Variants in FSTL4 observed in about 807,000 individuals in gnomAD.
The protein encoded by FSTL4 is follistatin-related protein 4.
FSTL4 carries 28 observed loss-of-function variants against 78.2 expected under a neutral mutation model. The observed-to-expected ratio is 0.36, with a 90% confidence interval of 0.27 to 0.49. The LOEUF (loss-of-function observed/expected upper bound fraction) is 0.49, where lower values mean the gene tolerates loss of function less well. Ranked by LOEUF, FSTL4 falls within the 20% of genes least tolerant of loss-of-function variation. The pLI, the probability that FSTL4 is intolerant of heterozygous loss-of-function variation, is 0.98. For missense variants in FSTL4, 922 were observed against 1,084.9 expected, an observed-to-expected ratio of 0.85 and a Z score of 2.11; for synonymous variants, 422 against 440.5, an observed-to-expected ratio of 0.96 and a Z score of 0.53.
At chr5:133,523,420 G>A (rs1310676061) in intron 3 of FSTL4, among the ~76,000 whole-genome samples, 2 of 152,288 alleles carry the variant, frequency 1.3e-5, no homozygotes, top group South Asian at 4.1e-4. Flanking sequence ...GGTGCAGAGT[G>A]GGAGAGAAAG....
chr5:133,769,193 A>T, the FSTL4 span, among the ~76,000 whole-genome samples: 1 of 152,250 alleles, frequency 6.6e-6, no homozygotes, highest in African/African-American at 2.4e-5. Context: ...TCCAGAGATC[A>T]ATCCTGTCTT....
chr5:133,737,920 G>A, the FSTL4 span, among the ~76,000 whole-genome samples: 50,524 of 151,836 alleles, frequency 0.33, 8,906 homozygotes, highest in East Asian at 0.63. Flanking sequence ...CTTTCTTTTG[G>A]GTATATGCCC....
chr5:133,306,447 G>A (rs1350168904), intron 6 of FSTL4, among the ~76,000 whole-genome samples: 1 of 152,244 alleles, frequency 6.6e-6, no homozygotes, highest in African/African-American at 2.4e-5. Context: ...TCTAGTGTGA[G>A]TTACTTTCAT....
chr5:133,325,589 AGACTTGCCTGGGTGGGG>A (rs1406479467), intron 4 of FSTL4, among the ~76,000 whole-genome samples: 1 of 152,064 alleles, frequency 6.6e-6, no homozygotes, highest in Non-Finnish European at 1.5e-5. Flanking sequence ...TGGGGAAGAA[AGACTTGCCTGGGTGGGG>A]GATGGTGGGT....
At chr5:133,582,228 G>T (rs1760429206) in intron 2 of FSTL4, among the ~76,000 whole-genome samples, 1 of 152,150 alleles carries the variant, frequency 6.6e-6, no homozygotes, top group African/African-American at 2.4e-5. Flanking sequence ...CTGGTGACAT[G>T]GAGAATGGGG....
At position 133,199,318 on chromosome 5, in the gene FSTL4, C is replaced by T. The variant is rs528757137; in HGVS notation, c.2306G>A (p.Gly769Glu). 6.2e-7 allele frequency: 1 copy of T among 1,614,130 alleles called. No homozygotes were observed. The highest frequency in any genetic ancestry group is 1.3e-5 in the African/African-American group (1 of 75,050). ...PDLLFLELST[G>E]KVGMLKNLKE... is the part of the protein sequence containing the mutation. Reference sequence around the variant, plus strand: ...TAAGTTCTTCAGCATGCCCACCTTCCCCGTGGACAGCTCCAGGAACAGCAG... The same window carrying T: ...TAAGTTCTTCAGCATGCCCACCTTCTCCGTGGACAGCTCCAGGAACAGCAG... The change falls in exon 16 of 16, where the codon GGG becomes GAG. Residue 769 changes from glycine to glutamate, a missense_variant. Physicochemically the swap from Gly to Glu is moderately conservative, Grantham distance 98. Coordinates refer to ENST00000265342, the MANE Select transcript of FSTL4 (RefSeq NM_015082.2). This position sits in a 1 kb window ranked among gnomAD's most constrained non-coding sequence, Gnocchi z 4.4.
chr5:133,803,912 A>G, the FSTL4 span, among the ~76,000 whole-genome samples: 7 of 152,290 alleles, frequency 4.6e-5, no homozygotes, highest in Non-Finnish European at 8.8e-5. Flanking sequence ...GAGAAAGAGA[A>G]GCCCTGATTT....
At chr5:133,663,740 C>A in the FSTL4 span, among the ~76,000 whole-genome samples, 1 of 152,250 alleles carries the variant, frequency 6.6e-6, no homozygotes, top group African/African-American at 2.4e-5. Flanking sequence ...AGTGCTCCCC[C>A]ATGGGCTCTG....
At chr5:133,566,875 A>G (rs550958293) in intron 3 of FSTL4, among the ~76,000 whole-genome samples, 3 of 152,340 alleles carry the variant, frequency 2.0e-5, no homozygotes, top group African/African-American at 7.2e-5. Flanking sequence ...GGTAAAACTA[A>G]TAATTATTCC....
the FSTL4 span, among the ~76,000 whole-genome samples, chr5:133,766,927 A>G: frequency 6.6e-6 from 1 of 152,196 alleles, no homozygotes; most frequent in Non-Finnish European, 1.5e-5. Context: ...AGGACTCTAG[A>G]AGGCATCCTA....
chr5:133,743,300 G>A, the FSTL4 span, among the ~76,000 whole-genome samples: 1 of 152,210 alleles, frequency 6.6e-6, no homozygotes, highest in Non-Finnish European at 1.5e-5. Flanking sequence ...AATTTGGACA[G>A]CATTTCTTGA....
chr5:133,778,825 A>G, the FSTL4 span, among the ~76,000 whole-genome samples: 2 of 152,298 alleles, frequency 1.3e-5, no homozygotes, highest in African/African-American at 2.4e-5. Flanking sequence ...CCAAGACCTC[A>G]CCGTCCTGCC....
chr5:133,295,967 G>A (rs2162768), intron 6 of FSTL4, among the ~76,000 whole-genome samples: 90,970 of 152,020 alleles, frequency 0.6, 27,767 homozygotes, highest in Non-Finnish European at 0.66. Flanking sequence ...GGGTTTCCAA[G>A]TTTCCATCTT....
At chr5:133,687,893 C>G in the FSTL4 span, among the ~76,000 whole-genome samples, 9 of 152,212 alleles carry the variant, frequency 5.9e-5, no homozygotes, top group Non-Finnish European at 1.2e-4. Context: ...CCTGCTGCTC[C>G]CATCCCCAGG....
the FSTL4 span, among the ~76,000 whole-genome samples, chr5:133,785,302 T>C: frequency 6.6e-6 from 1 of 152,104 alleles, no homozygotes; most frequent in African/African-American, 2.4e-5. Context: ...GATAGAAACA[T>C]GCCCTAATTC....
At chr5:133,282,976 G>A (rs1253039798) in intron 6 of FSTL4, among the ~76,000 whole-genome samples, 1 of 152,228 alleles carries the variant, frequency 6.6e-6, no homozygotes, top group Non-Finnish European at 1.5e-5. Flanking sequence ...GTTAAGTTCT[G>A]AGAAATGATT....
chr5:133,395,873 C>T (rs1756026908), intron 4 of FSTL4, among the ~76,000 whole-genome samples: 3 of 152,172 alleles, frequency 2.0e-5, no homozygotes, highest in African/African-American at 7.2e-5. Flanking sequence ...ACTGGCATTT[C>T]CTGAGAGCCC....
chr5:133,597,989 G>T (rs1208227573), intron 2 of FSTL4, among the ~76,000 whole-genome samples: 1 of 152,140 alleles, frequency 6.6e-6, no homozygotes, highest in Non-Finnish European at 1.5e-5. Flanking sequence ...GGTTCCAAGA[G>T]TGAGAGTTAC....
At chr5:133,834,789 G>C in the FSTL4 span, among the ~76,000 whole-genome samples, 57 of 152,080 alleles carry the variant, frequency 3.7e-4, no homozygotes, top group African/African-American at 1.1e-3. Flanking sequence ...ATTTTTCTAA[G>C]TTAGCTATCA....
Sources: gnomAD v4.1 joint callset for allele counts (sites outside exome capture counted in the v4.1 genomes callset) on GRCh38, gnomAD v4.1.1 for gene constraint, Gnocchi (gnomAD v3.1) non-coding constraint, MANE v1.5 for transcripts, NCBI Gene and HGNC (gene_info 2026-07-23, HGNC 2026-07-21) for gene names.